ABCA10: variants seen among roughly 807,000 people sequenced by gnomAD.
ABCA10 encodes the protein ATP binding cassette subfamily A member 10.
In ABCA10, 169 loss-of-function variants were observed where a neutral mutation model predicts 187.5. That is an observed-to-expected ratio of 0.90 (90% CI 0.80 to 1.02). The LOEUF is 1.02. Among genes scored for constraint, ABCA10 ranks in the 50% least tolerant of loss-of-function variants. ABCA10 has a pLI of 0.00. For synonymous variants in ABCA10, 574 were observed against 601.8 expected (o/e 0.95, Z 0.68); for missense variants, 1,727 against 1,812.4 (o/e 0.95, Z 0.86).
intron 9 of ABCA10, among the ~76,000 whole-genome samples, chr17:69,206,110 C>T (rs189698091): frequency 1.2e-4 from 18 of 152,210 alleles, no homozygotes; most frequent in Admixed American, 1.1e-3. Context: ...GAACAAAGAA[C>T]ATTATTGTTC....
Position 69,192,629 on chromosome 17 carries a change from C to T in ABCA10, c.1805G>A (p.Gly602Glu), listed in dbSNP as rs1176422460. The T allele has an allele frequency of 1.9e-6, 3 of 1,613,140 alleles. No homozygotes were observed. The highest frequency in any genetic ancestry group is 2.7e-5 in the African/African-American group (2 of 74,858). ...AGATGATCCTGCACATTTCAACTTC[C>T]CATTAGACAGAAATACTTTCCTATC... Reference protein sequence around the residue: ...LADRKVFLSNGKLKCAGSSLF... With the variant: ...LADRKVFLSNEKLKCAGSSLF... Residue 602 changes from glycine (G) to glutamate (E), a missense_variant, in exon 16 of 39, where the codon GGG (glycine) becomes GAG (glutamate). Coordinates refer to ENST00000690296, the MANE Select transcript of ABCA10 (RefSeq NM_001377321.1).
chr17:69,164,226 C>G, intron 26 of ABCA10, 72 bp from the exon 27 acceptor site: 2 of 1,220,970 alleles, frequency 1.6e-6, no homozygotes, highest in South Asian at 3.1e-5. Flanking sequence ...TAAATACACC[C>G]ACATTATACT....
intron 22 of ABCA10, among the ~76,000 whole-genome samples, chr17:69,179,906 C>G (rs2074366034): frequency 1.3e-5 from 2 of 152,120 alleles, no homozygotes; most frequent in South Asian, 4.1e-4. Context: ...ACTCAGTAAA[C>G]CCAGCATACA....
At chr17:69,186,665 A>C (rs940775900) in intron 19 of ABCA10, among the ~76,000 whole-genome samples, 1 of 151,830 alleles carries the variant, frequency 6.6e-6, no homozygotes, top group African/African-American at 2.4e-5. Context: ...ACTGTTATTA[A>C]CCCTCCATAT....
At chr17:69,225,009 T>C (rs2074781903) in intron 3 of ABCA10, among the ~76,000 whole-genome samples, 1 of 152,170 alleles carries the variant, frequency 6.6e-6, no homozygotes, top group South Asian at 2.1e-4. Context: ...TTTTTTAAGT[T>C]AAGTTTTGGA....
intron 9 of ABCA10, among the ~76,000 whole-genome samples, chr17:69,211,219 G>A (rs77498896): frequency 0.02 from 3,029 of 149,784 alleles, 35 homozygotes; most frequent in Non-Finnish European, 0.031. Context: ...CAAAAATAGG[G>A]AACCAGCTTT....
At chr17:69,198,917 T>C (rs1052272557) in intron 10 of ABCA10, among the ~76,000 whole-genome samples, 4 of 152,206 alleles carry the variant, frequency 2.6e-5, no homozygotes, top group Non-Finnish European at 5.9e-5. Flanking sequence ...CCCCACACTA[T>C]ACAGGATAGC....
At chr17:69,231,271 A>G (rs1190020785), upstream of ABCA10, among the ~76,000 whole-genome samples, 1 of 152,060 alleles carries the variant, frequency 6.6e-6, no homozygotes, top group African/African-American at 2.4e-5. Flanking sequence ...TGTGTCTTCA[A>G]ATGGCATTCT....
chr17:69,177,963 A>T (rs1468059635), intron 22 of ABCA10, among the ~76,000 whole-genome samples: 1 of 120,406 alleles, frequency 8.3e-6, no homozygotes, highest in African/African-American at 3.5e-5. Context: ...TTCAAAAAAA[A>T]AAAAAAAAAA....
chr17:69,179,554 C>A (rs2074363014), intron 22 of ABCA10, among the ~76,000 whole-genome samples: 1 of 152,110 alleles, frequency 6.6e-6, no homozygotes, highest in Non-Finnish European at 1.5e-5. Context: ...TCTATTTACT[C>A]CACCTAAGGA....
chr17:69,170,437 CAAAA>C (rs71144658), intron 25 of ABCA10, among the ~76,000 whole-genome samples: 7 of 109,676 alleles, frequency 6.4e-5, no homozygotes, highest in Admixed American at 9.0e-5. Flanking sequence ...TTTTACTCAT[CAAAA>C]AAAAAAAAAA....
chr17:69,226,967 C>G (rs1037378538), intron 2 of ABCA10, among the ~76,000 whole-genome samples, 178 bp downstream of exon 2: 1 of 151,608 alleles, frequency 6.6e-6, no homozygotes, highest in Non-Finnish European at 1.5e-5. Flanking sequence ...CAAATATTAT[C>G]CTATTTTGCA....
intron 32 of ABCA10, 59 bp downstream of exon 32, chr17:69,153,772 G>C: frequency 6.5e-7 from 1 of 1,538,210 alleles, no homozygotes. Context: ...AATATATAAT[G>C]AAGAAATGAC....
intron 9 of ABCA10, among the ~76,000 whole-genome samples, chr17:69,206,652 T>C (rs2074593788): frequency 6.6e-6 from 1 of 152,190 alleles, no homozygotes; most frequent in African/African-American, 2.4e-5. Context: ...TCTCACACCA[T>C]ATACAAATTG....
At chr17:69,188,944 T>C (rs1370617625) in intron 18 of ABCA10, among the ~76,000 whole-genome samples, 1 of 152,178 alleles carries the variant, frequency 6.6e-6, no homozygotes, top group Non-Finnish European at 1.5e-5. Context: ...CTGATGGGCA[T>C]CTAGGTTGAT....
chr17:69,156,785 A>G (rs1165790649), intron 28 of ABCA10, 47 bp downstream of exon 28: 4 of 1,139,828 alleles, frequency 3.5e-6, no homozygotes, highest in Non-Finnish European at 4.7e-6. Context: ...ATTTAAAAAG[A>G]CTAAATATTT....
At chr17:69,242,946 T>C (rs1568081802) in intron 1 of ABCA10, among the ~76,000 whole-genome samples, 1 of 152,192 alleles carries the variant, frequency 6.6e-6, no homozygotes, top group African/African-American at 2.4e-5. Flanking sequence ...AATCAAAGTT[T>C]GAACATAAAA....
intron 9 of ABCA10, among the ~76,000 whole-genome samples, chr17:69,206,540 A>G (rs1323719216): frequency 6.6e-6 from 1 of 152,186 alleles, no homozygotes; most frequent in African/African-American, 2.4e-5. Flanking sequence ...CCCCTTCCCA[A>G]CCTGTCAGGC....
Position 69,187,993 on chromosome 17 carries a change from C to CTGT in ABCA10, c.2132-115_2132-114insACA, listed in dbSNP as rs2074434949. ...ACAGCACTTCCAACAAGTTAAGCTA[C>CTGT]TGATATCCATAATCAAAATTTACGT... On this transcript the variant is annotated intron_variant, in intron 18 of 38. Transcript: ENST00000690296. The CTGT allele has an allele frequency of 3.3e-6, 3 of 898,590 alleles. No individual in the cohort carries two copies. The South Asian group carries it at 5.3e-5, about 16-fold the overall frequency. The allele number at this position is 898,590 out of a possible 1,614,324, so 55.7% of individuals were successfully genotyped here.
Sources: allele counts gnomAD v4.1 joint callset (sites outside exome capture counted in the v4.1 genomes callset), GRCh38; gene constraint gnomAD v4.1.1; transcripts MANE v1.5; gene names NCBI Gene and HGNC (gene_info 2026-07-23, HGNC 2026-07-21).